MTHFD1L: variants seen among roughly 807,000 people sequenced by gnomAD.
The protein encoded by MTHFD1L is methylenetetrahydrofolate dehydrogenase (NADP+ dependent) 1 like.
In MTHFD1L, 81 loss-of-function variants were observed where a neutral mutation model predicts 119.5. The ratio of observed to expected loss-of-function variants is 0.68; its 90% confidence interval spans 0.57 to 0.82. The LOEUF is 0.82. Ranked by LOEUF, MTHFD1L falls within the 40% of genes least tolerant of loss-of-function variation. The pLI is 0.00. For missense variants in MTHFD1L, 1,125 were observed against 1,253.4 expected, an observed-to-expected ratio of 0.90 and a Z score of 1.55; for synonymous variants, 430 against 475.2, an observed-to-expected ratio of 0.90 and a Z score of 1.24.
chr6:151,047,732 G>A (rs2145745), intron 26 of MTHFD1L, among the ~76,000 whole-genome samples: 112,201 of 152,060 alleles, frequency 0.74, 41,967 homozygotes, highest in African/African-American at 0.77. Context: ...TGTACCTTCC[G>A]TCATCCAGTT....
chr6:150,938,669 G>A (rs755065405), intron 12 of MTHFD1L, 30 bp from the exon 13 acceptor site: 26 of 1,601,856 alleles, frequency 1.6e-5, no homozygotes, highest in Admixed American at 3.4e-5. Context: ...TTGGTGACCC[G>A]TTTGAAATGC....
chr6:150,969,251 G>A (rs770693520), intron 19 of MTHFD1L, among the ~76,000 whole-genome samples: 12 of 152,166 alleles, frequency 7.9e-5, no homozygotes, highest in Non-Finnish European at 1.6e-4. Flanking sequence ...CAAAGTACTG[G>A]GATTATAGGT....
intron 11 of MTHFD1L, chr6:150,935,127 T>G (rs202237360): frequency 6.2e-7 from 1 of 1,613,774 alleles, no homozygotes; most frequent in Non-Finnish European, 8.5e-7. Context: ...ACCAAAGGAT[T>G]TAACACTGAG....
chr6:150,882,744 T>A lies in MTHFD1L; in HGVS notation c.418-18T>A. The stretch of plus-strand genomic sequence containing the variant: ...TCACAAAACTAATTTTTATTTTGTT[T>A]TTTTGTTTTCTCTTTAGATTATAGA... On this transcript the variant is annotated intron_variant, in intron 4 of 27. Coordinates refer to ENST00000367321, the MANE Select transcript of MTHFD1L (RefSeq NM_015440.5). The A allele has an allele frequency of 2.1e-6, 3 of 1,455,658 alleles. No homozygotes were observed. Among genetic ancestry groups the A allele is most frequent in the Non-Finnish European group, 2.7e-6 (3 of 1,099,822 alleles). 90.2% of individuals were successfully genotyped at this position (1,455,658 alleles called of 1,614,324 possible).
chr6:150,979,711 G>C (rs188681903), intron 20 of MTHFD1L, among the ~76,000 whole-genome samples: 112 of 152,138 alleles, frequency 7.4e-4, no homozygotes, highest in African/African-American at 2.6e-3. Flanking sequence ...TGTTAGCCAG[G>C]CTAGTCTCAA....
At chr6:151,038,909 C>G (rs1356418386) in intron 26 of MTHFD1L, among the ~76,000 whole-genome samples, 1 of 152,088 alleles carries the variant, frequency 6.6e-6, no homozygotes, top group African/African-American at 2.4e-5. Flanking sequence ...CAGAAATGAG[C>G]CTGGCTTGAA....
chr6:150,949,878 T>G (rs1794597881), intron 16 of MTHFD1L, among the ~76,000 whole-genome samples: 1 of 152,148 alleles, frequency 6.6e-6, no homozygotes, highest in Non-Finnish European at 1.5e-5. Context: ...GCGTTGGAGA[T>G]GGAGATGGTC....
chr6:150,935,008 A>C, intron 11 of MTHFD1L: 1 of 1,607,478 alleles, frequency 6.2e-7, no homozygotes, highest in Non-Finnish European at 8.5e-7. Context: ...ATCCTGTCCA[A>C]CCTGCCTTCA....
chr6:150,937,774 G>A (rs1203384923), intron 12 of MTHFD1L, among the ~76,000 whole-genome samples: 2 of 152,038 alleles, frequency 1.3e-5, no homozygotes, highest in African/African-American at 2.4e-5. Flanking sequence ...TGCTGAGAGC[G>A]GCACCAGGCT....
intron 1 of MTHFD1L, chr6:150,866,369 G>A (rs1196524447): frequency 7.8e-6 from 11 of 1,410,102 alleles, no homozygotes; most frequent in South Asian, 3.0e-5. Context: ...ATGCAATCGC[G>A]CCGGGCGCGA....
At chr6:151,090,839 G>T (rs1464716032) in intron 26 of MTHFD1L, among the ~76,000 whole-genome samples, 1 of 151,130 alleles carries the variant, frequency 6.6e-6, no homozygotes, top group Non-Finnish European at 1.5e-5. Flanking sequence ...ACTGGGTGCA[G>T]CATCGCTCCA....
At chr6:150,966,234 A>AGTTC (rs1797195111) in intron 19 of MTHFD1L, among the ~76,000 whole-genome samples, 1 of 152,170 alleles carries the variant, frequency 6.6e-6, no homozygotes. Context: ...GCTGTACAGG[A>AGTTC]AGCATGGCTG....
At chr6:151,043,934 T>G (rs1216621417) in intron 26 of MTHFD1L, among the ~76,000 whole-genome samples, 2 of 152,194 alleles carry the variant, frequency 1.3e-5, no homozygotes, top group Non-Finnish European at 2.9e-5. Context: ...TTTTCAAATT[T>G]AATGAGGAAA....
chr6:150,876,013 T>C (rs1202881137), intron 1 of MTHFD1L, 77 bp from the exon 2 acceptor site: 2 of 1,168,528 alleles, frequency 1.7e-6, no homozygotes, highest in African/African-American at 1.5e-5. Context: ...GAAGGAACTT[T>C]CACAGAAAAT....
At chr6:151,048,410 G>C (rs1189090955) in intron 26 of MTHFD1L, among the ~76,000 whole-genome samples, 1 of 152,122 alleles carries the variant, frequency 6.6e-6, no homozygotes, top group Non-Finnish European at 1.5e-5. Context: ...CTCCAGAGTA[G>C]AGACTGTGTC....
chr6:151,096,844 A>T (rs140756948), intron 27 of MTHFD1L, among the ~76,000 whole-genome samples: 1 of 152,328 alleles, frequency 6.6e-6, no homozygotes, highest in Non-Finnish European at 1.5e-5. Flanking sequence ...AACCGTGTGA[A>T]ACCAAAGGTG....
intron 1 of MTHFD1L, among the ~76,000 whole-genome samples, chr6:150,870,434 C>T (rs1382630883): frequency 6.6e-6 from 1 of 152,130 alleles, no homozygotes; most frequent in African/African-American, 2.4e-5. Flanking sequence ...TAGCGTTGAA[C>T]TCCTTTACAT....
At chr6:150,949,626 C>T (rs1426991277) in intron 16 of MTHFD1L, among the ~76,000 whole-genome samples, 3 of 152,066 alleles carry the variant, frequency 2.0e-5, no homozygotes, top group Admixed American at 1.3e-4. Flanking sequence ...AACGAGGCAT[C>T]GCTCCACTGC....
At position 151,000,469 on chromosome 6, in the gene MTHFD1L, G is replaced by A. The variant is rs182652676; in HGVS notation, c.2126-9350G>A. Reference sequence around the variant, plus strand: ...CCAAGATATTTAATAAAACTAAACAGGGTTATATGTTGAATAGACAAATCC... The same window carrying A: ...CCAAGATATTTAATAAAACTAAACAAGGTTATATGTTGAATAGACAAATCC... On this transcript the variant is annotated intron_variant, in intron 20 of 27. Coordinates refer to ENST00000367321, the MANE Select transcript of MTHFD1L (RefSeq NM_015440.5). Among the ~76,000 whole-genome samples, 230 of 152,232 alleles carry A rather than the reference G, an allele frequency of 1.5e-3. 1 individual carries two copies. Among genetic ancestry groups the A allele is most frequent in the Non-Finnish European group, 2.7e-3 (181 of 68,016 alleles).
Sources: gnomAD v4.1 joint callset for allele counts (sites outside exome capture counted in the v4.1 genomes callset) on GRCh38, gnomAD v4.1.1 for gene constraint, MANE v1.5 for transcripts, NCBI Gene and HGNC (gene_info 2026-07-23, HGNC 2026-07-21) for gene names.